ATP13A2: variants seen among roughly 807,000 people sequenced by gnomAD.
ATP13A2 encodes the protein ATPase cation transporting 13A2.
In ATP13A2, 83 loss-of-function variants were observed where a neutral mutation model predicts 138.3. The ratio of observed to expected loss-of-function variants is 0.60; its 90% CI spans 0.50 to 0.72. The LOEUF is 0.72. Ranked by LOEUF, ATP13A2 falls within the 30% of genes least tolerant of loss-of-function variation. The pLI is 0.00. For synonymous variants in ATP13A2, 663 were observed against 699.0 expected (o/e 0.95, Z 0.81); for missense variants, 1,402 against 1,606.4 (o/e 0.87, Z 2.17).
chr1:16,991,690 G>A, intron 20 of ATP13A2, 44 bp downstream of exon 20: 4 of 1,613,746 alleles, frequency 2.5e-6, no homozygotes, highest in East Asian at 2.2e-5. Context: ...CCAGGAAGGG[G>A]CGGATTCTGC....
Position 16,995,763 on chromosome 1 carries a change from C to G in ATP13A2, c.1542+213G>C, listed in dbSNP as rs988056034. The G allele has an allele frequency of 8.8e-5, 62 of 704,858 alleles. No homozygotes were observed. The Middle Eastern group carries it at 1.1e-3, about 12-fold the overall frequency. 43.7% of individuals were successfully genotyped at this position (704,858 alleles called of 1,614,324 possible). A position where few individuals can be genotyped will look rare whatever the true frequency, so the allele number is the denominator to read the frequency against. ...GCCCGGCCCCCCACCAGTTCTTGAA[C>G]ACATGAATACATGATTCTAGACATT... On this transcript the variant is annotated intron_variant, in intron 15 of 28. Coordinates refer to ENST00000326735, the MANE Select transcript of ATP13A2 (RefSeq NM_022089.4). This position sits in a 1 kb window ranked among gnomAD's most constrained non-coding sequence, Gnocchi z 4.1.
chr1:16,992,208 C>A, intron 18 of ATP13A2, 35 bp downstream of exon 18: 1 of 1,611,672 alleles, frequency 6.2e-7, no homozygotes, highest in Non-Finnish European at 8.5e-7. Context: ...TGTGCCAATG[C>A]CCAACCAGGG....
At position 16,992,471 on chromosome 1, in the gene ATP13A2, C is replaced by T. The variant is rs750975658; in HGVS notation, c.1845+15G>A. ...ACCCCTCTGCCCTGCACCCAACAGGCCCCCCTCAGCTCACCATTGCCTGCA... is the reference window on the plus strand; with the variant it reads ...ACCCCTCTGCCCTGCACCCAACAGGTCCCCCTCAGCTCACCATTGCCTGCA... On this transcript the variant is annotated intron_variant, in intron 17 of 28. Coordinates refer to ENST00000326735, the MANE Select transcript of ATP13A2 (RefSeq NM_022089.4). The T allele has an allele frequency of 4.0e-5, 65 of 1,613,806 alleles. No homozygotes were observed. The highest frequency in any genetic ancestry group is 5.1e-5 in the Non-Finnish European group (60 of 1,179,926).
Position 16,986,233 on chromosome 1 carries a change from G to A in ATP13A2, c.3531C>T (p.Gly1177=), listed in dbSNP as rs1382328098. Residue 1177 remains glycine, a synonymous_variant, in exon 29 of 29, where the codon GGC becomes GGT. Transcript: ENST00000326735. The surrounding 1 kb of genome is among the most constrained non-coding windows in gnomAD (Gnocchi z 6.9). The stretch of plus-strand genomic sequence containing the variant: ...CCGTGGGCCTGCACTACCTCAGGGG[G>A]CCGGCGGGCAGCGGCGGCCAGGGCT... ...AEQPWPPLPA[G]PLR is the part of the protein sequence containing the mutation. 3 of 1,611,846 alleles carry A rather than the reference G, an allele frequency of 1.9e-6. No homozygotes were observed. The highest frequency in any genetic ancestry group is 2.5e-6 in the Non-Finnish European group (3 of 1,179,314).
At chr1:17,008,607 C>G (rs1040573670) in intron 1 of ATP13A2, among the ~76,000 whole-genome samples, 1 of 152,130 alleles carries the variant, frequency 6.6e-6, no homozygotes, top group Non-Finnish European at 1.5e-5. Context: ...GAAGCCCTGG[C>G]TGTCCCACGG....
intron 20 of ATP13A2, among the ~76,000 whole-genome samples, chr1:16,991,308 C>T (rs1370889163): frequency 6.6e-6 from 1 of 152,130 alleles, no homozygotes; most frequent in African/African-American, 2.4e-5. Flanking sequence ...TGGTCTTGAA[C>T]TCCAGGGTTC....
chr1:16,988,122 C>T lies in ATP13A2; in HGVS notation c.2859+16G>A. 6.2e-7 allele frequency: 1 copy of T among 1,610,282 alleles called. No homozygotes were observed. The highest frequency in any genetic ancestry group is 8.5e-7 in the Non-Finnish European group (1 of 1,176,630). On this transcript the variant is annotated intron_variant, in intron 25 of 28. Coordinates refer to ENST00000326735, the MANE Select transcript of ATP13A2 (RefSeq NM_022089.4). ...TCCTGGGACGGCTCTGGGTACGGAG[C>T]TCTGCAGATACTCACCGTGTAGAGG...
Position 16,993,986 on chromosome 1 carries a change from T to G in ATP13A2, c.1543-151A>C, listed in dbSNP as rs1459358531. The G allele has an allele frequency of 9.0e-6, 6 of 667,892 alleles. No individual in the cohort carries two copies. The East Asian group carries it at 1.7e-4, about 19-fold the overall frequency. 41.4% of individuals were successfully genotyped at this position (667,892 alleles called of 1,614,324 possible). On this transcript the variant is annotated intron_variant, in intron 15 of 28. Coordinates refer to ENST00000326735, the MANE Select transcript of ATP13A2 (RefSeq NM_022089.4). ...AGATGACCTTTCTTGACTGCTGTCCTTGGCACATGTGATTCCCTCTGCTGG... is the reference window on the plus strand; with the variant it reads ...AGATGACCTTTCTTGACTGCTGTCCGTGGCACATGTGATTCCCTCTGCTGG...
At chr1:17,000,974 G>A in intron 8 of ATP13A2, 1 of 183,548 alleles carries the variant, frequency 5.4e-6, no homozygotes, top group Non-Finnish European at 1.2e-5. Flanking sequence ...AATAGGATAA[G>A]GGTATTTACT....
In ATP13A2 at chr1:16,989,955, T is replaced by C. The variant is rs376237408; in HGVS notation, c.2461A>G (p.Arg821Gly). 1.1e-5 allele frequency: 18 copies of C among 1,606,126 alleles called. No homozygotes were observed. The highest frequency in any genetic ancestry group is 1.4e-5 in the Non-Finnish European group (17 of 1,176,302). ...SYTVEPDPRS[R>G]HLALSGPTFG... ...GTGGGCCCGCTGAGGGCCAGGTGCC[T>C]GGATCGGGGGTCTGGCTCCACGGTG... The change falls in exon 22 of 29, where the codon AGG (arginine) becomes GGG (glycine). Residue 821 changes from arginine (R) to glycine (G), a missense_variant. Physicochemically the swap from Arg to Gly is moderately radical, Grantham distance 125. Coordinates refer to ENST00000326735, the MANE Select transcript of ATP13A2 (RefSeq NM_022089.4).
intron 3 of ATP13A2, 103 bp downstream of exon 3, chr1:17,005,271 G>T: frequency 6.6e-7 from 1 of 1,508,824 alleles, no homozygotes; most frequent in Non-Finnish European, 9.0e-7. Flanking sequence ...CCTGCCTAAT[G>T]TCCCATGGAA....
rs1290748079 is a variant in ATP13A2, at chr1:17,004,207, C to A, written c.557+125G>T. The A allele has an allele frequency of 1.9e-6, 2 of 1,027,894 alleles. No homozygotes were observed. The highest frequency in any genetic ancestry group is 3.0e-6 in the Non-Finnish European group (2 of 672,262). The allele number at this position is 1,027,894 out of a possible 1,614,324, so 63.7% of individuals were successfully genotyped here. On this transcript the variant is annotated intron_variant, in intron 6 of 28. Coordinates refer to ENST00000326735, the MANE Select transcript of ATP13A2 (RefSeq NM_022089.4). The surrounding 1 kb of genome is among the most constrained non-coding windows in gnomAD (Gnocchi z 4.1). ...GCCTGGAGGGGCTCAGTAACCTGCC[C>A]AAGGTTTCAGACAGCAAAAGCATCA...
At chr1:17,003,662 TTTTC>T (rs1461051070) in intron 6 of ATP13A2, among the ~76,000 whole-genome samples, 2 of 72,442 alleles carry the variant, frequency 2.8e-5, no homozygotes, top group Non-Finnish European at 4.7e-5. Context: ...TTGTGTTTCT[TTTTC>T]TTTTTTTTTT....
In ATP13A2 at chr1:16,986,036, G is replaced by A. The variant is rs1452499775; in HGVS notation, c.*185C>T. 1 of 1,471,096 alleles carries A rather than the reference G, an allele frequency of 6.8e-7. No homozygotes were observed. Among genetic ancestry groups the A allele is most frequent in the African/African-American group, 1.4e-5 (1 of 69,960 alleles). 91.1% of individuals were successfully genotyped at this position (1,471,096 alleles called of 1,614,324 possible). A position where few individuals can be genotyped will look rare whatever the true frequency, so the allele number is the denominator to read the frequency against. ...GCTGGGGGCTGCCACCCCTACGCGGGATGGTCCAAGGTAGGGGACAGTAGT... is the reference window on the plus strand; with the variant it reads ...GCTGGGGGCTGCCACCCCTACGCGGAATGGTCCAAGGTAGGGGACAGTAGT... On this transcript the variant is annotated 3_prime_UTR_variant, in exon 29 of 29. Coordinates refer to ENST00000326735, the MANE Select transcript of ATP13A2 (RefSeq NM_022089.4). This position sits in a 1 kb window ranked among gnomAD's most constrained non-coding sequence, Gnocchi z 6.9.
chr1:16,988,028 G>T, intron 25 of ATP13A2, 110 bp downstream of exon 25: 1 of 1,009,186 alleles, frequency 9.9e-7, no homozygotes, highest in Non-Finnish European at 1.5e-6. Flanking sequence ...GCAGGGTCAG[G>T]ATCTGGGCCC....
At position 16,986,756 on chromosome 1, in the gene ATP13A2, G is replaced by T. The variant is rs1290146582; in HGVS notation, c.3235+49C>A. 2.2e-6 allele frequency: 2 copies of T among 906,572 alleles called. No homozygotes were observed. The highest frequency in any genetic ancestry group is 1.9e-5 in the South Asian group (1 of 52,510). 56.2% of individuals were successfully genotyped at this position (906,572 alleles called of 1,614,324 possible). A position where few individuals can be genotyped will look rare whatever the true frequency, so the allele number is the denominator to read the frequency against. ...CCATCTGCCTCCCCAGCACCCCAGG[G>T]CTCCTCCCTCCCTCCGCCAGCATCT... On this transcript the variant is annotated intron_variant, in intron 27 of 28. Transcript: ENST00000326735. This position sits in a 1 kb window ranked among gnomAD's most constrained non-coding sequence, Gnocchi z 6.9.
At chr1:16,994,197 C>CTCTCGCTCTCATTT (rs762110883) in intron 15 of ATP13A2, among the ~76,000 whole-genome samples, 1 of 147,312 alleles carries the variant, frequency 6.8e-6, no homozygotes, top group African/African-American at 2.5e-5. Flanking sequence ...CTCTCTCTCT[C>CTCTCGCTCTCATTT]ATTTATTTAT....
chr1:16,988,907 T>C (rs1428677508), intron 23 of ATP13A2, among the ~76,000 whole-genome samples: 1 of 151,694 alleles, frequency 6.6e-6, no homozygotes, highest in East Asian at 1.9e-4. Context: ...GTGCTGGGAT[T>C]ACAGGCATGA....
At position 16,992,085 on chromosome 1, in the gene ATP13A2, C is replaced by T; in HGVS notation, c.2050G>A (p.Gly684Ser). 6.2e-7 allele frequency: 1 copy of T among 1,613,580 alleles called. No homozygotes were observed. Among genetic ancestry groups the T allele is most frequent in the Non-Finnish European group, 8.5e-7 (1 of 1,179,828 alleles). ...CTGGCCAGGGCCACGACACGGTAGC[C>T]AGCAGCTGTATAGCTCTGCAGCATC... Reference protein sequence around the residue: ...AQMLQSYTAAGYRVVALASKP... With the variant: ...AQMLQSYTAASYRVVALASKP... The change falls in exon 19 of 29, where the codon GGC becomes AGC. Residue 684 changes from glycine (G) to serine (S), a missense_variant. Transcript: ENST00000326735.
Sources: allele counts gnomAD v4.1 joint callset (sites outside exome capture counted in the v4.1 genomes callset), GRCh38; gene constraint gnomAD v4.1.1; non-coding constraint Gnocchi (gnomAD v3.1); transcripts MANE v1.5; gene names NCBI Gene and HGNC (gene_info 2026-07-23, HGNC 2026-07-21).